The following IFT80 variants were observed in gnomAD, a reference collection of about 807,000 sequenced individuals.
The protein encoded by IFT80 is intraflagellar transport protein 80 homolog.
Under a neutral mutation model 107.9 loss-of-function variants are expected in IFT80, and 79 were observed. The observed-to-expected ratio is 0.73, with a 90% CI of 0.61 to 0.88. IFT80 has a LOEUF of 0.88. IFT80 is among the 40% of genes least tolerant of loss of function. The pLI is 0.00. For missense variants in IFT80, 797 were observed against 914.2 expected (o/e 0.87, Z 1.65); for synonymous variants, 299 against 300.9 (o/e 0.99, Z 0.07).
chr3:160,276,197 CA>C (rs1159615768), intron 18 of IFT80, among the ~76,000 whole-genome samples: 1 of 152,100 alleles, frequency 6.6e-6, no homozygotes, highest in Non-Finnish European at 1.5e-5. Context: ...GAATGAAAAA[CA>C]TCTTTCATGA....
chr3:160,361,646 T>C (rs1721500112), intron 6 of IFT80, among the ~76,000 whole-genome samples: 1 of 152,102 alleles, frequency 6.6e-6, no homozygotes, highest in African/African-American at 2.4e-5. Flanking sequence ...CCTCAGCAAA[T>C]GTAAAAGAAC....
At chr3:160,320,052 T>C in intron 8 of IFT80, 113 bp from the exon 9 acceptor site, 1 of 733,296 alleles carries the variant, frequency 1.4e-6, no homozygotes, top group South Asian at 1.7e-5. Flanking sequence ...ATGTCTATTC[T>C]GGAATTATTA....
chr3:160,368,566 G>C (rs1722026273), intron 5 of IFT80, among the ~76,000 whole-genome samples: 1 of 151,742 alleles, frequency 6.6e-6, no homozygotes, highest in Admixed American at 6.6e-5. Flanking sequence ...AATATTCTCT[G>C]GGAGTAGCCA....
At chr3:160,302,527 C>A (rs1362270046) in intron 11 of IFT80, among the ~76,000 whole-genome samples, 1 of 151,974 alleles carries the variant, frequency 6.6e-6, no homozygotes, top group Non-Finnish European at 1.5e-5. Flanking sequence ...TTTGAAGGGG[C>A]AAACATCTCT....
intron 8 of IFT80, among the ~76,000 whole-genome samples, chr3:160,330,945 C>T (rs1479198518): frequency 6.6e-6 from 1 of 152,188 alleles, no homozygotes. Flanking sequence ...CCTGAAGCCA[C>T]AGATAGTACT....
At chr3:160,345,532 A>C (rs569012171) in intron 8 of IFT80, among the ~76,000 whole-genome samples, 1 of 152,138 alleles carries the variant, frequency 6.6e-6, no homozygotes, top group East Asian at 1.9e-4. Context: ...TACTAAAAAA[A>C]ACACAAAACT....
intron 8 of IFT80, among the ~76,000 whole-genome samples, chr3:160,338,666 G>T (rs1719666678): frequency 6.6e-6 from 1 of 150,620 alleles, no homozygotes; most frequent in East Asian, 1.9e-4. Flanking sequence ...GGAGATGAGT[G>T]AGAACCCATG....
At chr3:160,286,238 A>G (rs7624902) in intron 12 of IFT80, among the ~76,000 whole-genome samples, 81,105 of 152,090 alleles carry the variant, frequency 0.53, 22,124 homozygotes, top group African/African-American at 0.57. Context: ...TTGAAGGTTA[A>G]CTGAAAATCA....
chr3:160,319,189 T>A (rs1718028156), intron 9 of IFT80, among the ~76,000 whole-genome samples: 1 of 152,038 alleles, frequency 6.6e-6, no homozygotes, highest in Non-Finnish European at 1.5e-5. Flanking sequence ...GATTTTTTCT[T>A]ATTAATATAT....
At chr3:160,306,940 A>C (rs1394170545) in intron 10 of IFT80, among the ~76,000 whole-genome samples, 1 of 152,160 alleles carries the variant, frequency 6.6e-6, no homozygotes, top group African/African-American at 2.4e-5. Context: ...TCCATCCTCA[A>C]TTTTATATTC....
intron 8 of IFT80, among the ~76,000 whole-genome samples, chr3:160,354,972 A>AT (rs1443636873): frequency 6.6e-6 from 1 of 152,252 alleles, no homozygotes; most frequent in African/African-American, 2.4e-5. Flanking sequence ...CTTATTCTGC[A>AT]TTAGAGGCAA....
intron 9 of IFT80, among the ~76,000 whole-genome samples, chr3:160,316,530 A>C (rs528739368): frequency 1.3e-5 from 2 of 152,214 alleles, no homozygotes; most frequent in Non-Finnish European, 2.9e-5. Flanking sequence ...TAACTAACAC[A>C]GTACAGCTGC....
chr3:160,381,266 T>TATATATATATATATATATATATATATA lies in IFT80; in HGVS notation c.259+236_259+237insTATATATATATATATATATATATATAT, dbSNP rs1553766638. Among the ~76,000 whole-genome samples the TATATATATATATATATATATATATATA allele has an allele frequency of 2.5e-3, 175 of 70,540 alleles. 4 individuals are homozygous for TATATATATATATATATATATATATATA. The highest frequency in any genetic ancestry group is 4.0e-3 in the Non-Finnish European group (118 of 29,500). The allele number at this position is 70,540 out of a possible 152,430, so 46.3% of individuals were successfully genotyped here. A position where few individuals can be genotyped will look rare whatever the true frequency, so the allele number is the denominator to read the frequency against. On this transcript the variant is annotated intron_variant, in intron 3 of 19. Transcript: ENST00000326448. The stretch of plus-strand genomic sequence containing the variant: ...TATATATATATATATATATATATAT[T>TATATATATATATATATATATATATATA]AAAGCCAAAGACCCATATTCAATCC...
At chr3:160,273,952 GAATT>G (rs1040800680) in intron 18 of IFT80, among the ~76,000 whole-genome samples, 1 of 152,128 alleles carries the variant, frequency 6.6e-6, no homozygotes, top group Non-Finnish European at 1.5e-5. Context: ...GGAGCACCCA[GAATT>G]CATTCTCTTT....
At chr3:160,267,687 G>A (rs1208849826) in intron 19 of IFT80, among the ~76,000 whole-genome samples, 1 of 152,098 alleles carries the variant, frequency 6.6e-6, no homozygotes, top group Non-Finnish European at 1.5e-5. Flanking sequence ...CTCATTCTGG[G>A]TCTCCTTGTG....
intron 10 of IFT80, among the ~76,000 whole-genome samples, chr3:160,305,034 TCATTTTGTTTTTA>T (rs1368412257): frequency 6.6e-6 from 1 of 152,156 alleles, no homozygotes; most frequent in East Asian, 1.9e-4. Context: ...AACAAACAGA[TCATTTTGTTTTTA>T]TAGGGTAACA....
rs576555611 is a variant in IFT80 at position 160,282,601 on chromosome 3, C to T, written c.1393G>A (p.Glu465Lys). 6.3e-7 allele frequency: 1 copy of T among 1,583,554 alleles called. No individual in the cohort carries two copies. The highest frequency in any genetic ancestry group is 1.7e-5 in the Admixed American group (1 of 59,596). Residue 465 changes from glutamate (E) to lysine (K), a missense_variant, in exon 14 of 20, where the codon GAA becomes AAA. Coordinates refer to ENST00000326448, the MANE Select transcript of IFT80 (RefSeq NM_020800.3). ...KFLSHKNEIL[E>K]IALDQKGLTN... ...AGTCCTTTTTGATCCAGAGCAATTTCCAAGATTTCATTCTAAAATTTTTTT... is the reference window on the plus strand; with the variant it reads ...AGTCCTTTTTGATCCAGAGCAATTTTCAAGATTTCATTCTAAAATTTTTTT...
At chr3:160,289,295 G>A (rs1159830548) in intron 12 of IFT80, among the ~76,000 whole-genome samples, 1 of 152,082 alleles carries the variant, frequency 6.6e-6, no homozygotes, top group Non-Finnish European at 1.5e-5. Context: ...CAGAGACTGG[G>A]GGCTTGAGGG....
At chr3:160,313,090 A>T (rs1417551995) in intron 9 of IFT80, among the ~76,000 whole-genome samples, 1 of 112,332 alleles carries the variant, frequency 8.9e-6, no homozygotes, top group African/African-American at 3.4e-5. Flanking sequence ...TATAATATAT[A>T]TTTTATATAT....
Sources: allele counts gnomAD v4.1 joint callset (sites outside exome capture counted in the v4.1 genomes callset), GRCh38; gene constraint gnomAD v4.1.1; transcripts MANE v1.5; gene names NCBI Gene and HGNC (gene_info 2026-07-23, HGNC 2026-07-21).